Variants in CD226 observed in about 807,000 individuals in gnomAD.
CD226 encodes CD226 molecule.
CD226 carries 24 observed loss-of-function variants against 34.9 expected under a neutral mutation model. The observed-to-expected ratio is 0.69, with a 90% confidence interval of 0.50 to 0.97. The LOEUF (loss-of-function observed/expected upper bound fraction) is 0.97. CD226 is among the 50% of genes least tolerant of loss of function. The probability of loss-of-function intolerance (pLI) is 0.00; values close to 1 mark genes in which losing one functional copy is unlikely to be tolerated. For missense variants in CD226, 397 were observed against 412.7 expected, an observed-to-expected ratio of 0.96 and a Z score of 0.33; for synonymous variants, 148 against 147.4, an observed-to-expected ratio of 1.00 and a Z score of -0.03.
intron 2 of CD226, among the ~76,000 whole-genome samples, chr18:69,907,925 C>T (rs1298075546): frequency 6.6e-6 from 1 of 151,648 alleles, no homozygotes; most frequent in African/African-American, 2.4e-5. Context: ...AATTATTACA[C>T]ATTATATTTA....
chr18:69,898,198 TAAAAG>T (rs1291853031), intron 2 of CD226, among the ~76,000 whole-genome samples: 6 of 151,726 alleles, frequency 4.0e-5, no homozygotes, highest in Non-Finnish European at 8.8e-5. Flanking sequence ...TGAAAGAACA[TAAAAG>T]AAATGAAAAA....
intron 2 of CD226, among the ~76,000 whole-genome samples, chr18:69,931,880 A>G (rs940166416): frequency 4.6e-5 from 7 of 152,198 alleles, no homozygotes; most frequent in African/African-American, 7.2e-5. Flanking sequence ...AAAGTACCAC[A>G]GACTGGATGG....
intron 2 of CD226, among the ~76,000 whole-genome samples, chr18:69,919,570 C>T (rs569648948): frequency 4.1e-4 from 62 of 152,224 alleles, no homozygotes; most frequent in Middle Eastern, 3.4e-3. Context: ...AAGGAGATTA[C>T]CTAAATTTTA....
Position 69,858,575 on chromosome 18 carries a change from G to A in CD226, c.*5739C>T, listed in dbSNP as rs941776767. ...TGCCCTGTGTTCTAGGGAGGGTATC[G>A]AAGCCCAAATTGTTGCTTTCTGCAG... is the stretch of plus-strand genomic sequence containing the variant. On this transcript the variant is annotated 3_prime_UTR_variant, in exon 6 of 6. Transcript: ENST00000582621. 4.4e-4 allele frequency: 67 copies of A among 152,168 alleles called. No homozygotes were observed. Among genetic ancestry groups the A allele is most frequent in the African/African-American group, 1.6e-3 (66 of 41,480 alleles). 9.4% of individuals were successfully genotyped at this position (152,168 alleles called of 1,614,324 possible).
intron 2 of CD226, among the ~76,000 whole-genome samples, chr18:69,901,663 AG>A (rs1174168443): frequency 6.6e-6 from 1 of 152,104 alleles, no homozygotes; most frequent in African/African-American, 2.4e-5. Context: ...GCAGATCACG[AG>A]GTCAGGAGAT....
chr18:69,950,971 T>TTGTG (rs57098005), upstream of CD226, among the ~76,000 whole-genome samples: 2,608 of 132,646 alleles, frequency 0.02, 55 homozygotes, highest in African/African-American at 0.05. Context: ...AACTATGATT[T>TTGTG]TGTGTGTGTG....
intron 2 of CD226, among the ~76,000 whole-genome samples, chr18:69,909,648 G>GA (rs1473698820): frequency 6.6e-6 from 1 of 152,162 alleles, no homozygotes; most frequent in Non-Finnish European, 1.5e-5. Context: ...AAGTAGCCCA[G>GA]AAAAAACTAA....
chr18:69,882,635 T>C (rs1010346262), intron 3 of CD226, among the ~76,000 whole-genome samples: 2 of 152,240 alleles, frequency 1.3e-5, no homozygotes, highest in Non-Finnish European at 2.9e-5. Flanking sequence ...TCAATTTTTA[T>C]GAACATATTA....
chr18:69,943,702 T>C (rs1240966157), intron 2 of CD226, among the ~76,000 whole-genome samples: 3 of 152,198 alleles, frequency 2.0e-5, no homozygotes, highest in African/African-American at 7.2e-5. Context: ...TGCTGGGACA[T>C]ACGTGAAACT....
chr18:69,950,081 C>G (rs1283263942), upstream of CD226, among the ~76,000 whole-genome samples: 1 of 152,168 alleles, frequency 6.6e-6, no homozygotes, highest in Non-Finnish European at 1.5e-5. Flanking sequence ...CACATGCACA[C>G]ACGCATGCAC....
chr18:69,937,186 G>A (rs916993518), intron 2 of CD226, among the ~76,000 whole-genome samples: 4 of 152,148 alleles, frequency 2.6e-5, no homozygotes, highest in Admixed American at 6.5e-5. Context: ...ATTGTAAACC[G>A]GAATAAATTG....
intron 2 of CD226, among the ~76,000 whole-genome samples, chr18:69,921,508 T>C (rs1200634270): frequency 1.3e-5 from 2 of 152,194 alleles, no homozygotes; most frequent in African/African-American, 4.8e-5. Flanking sequence ...TTCTTAGTCA[T>C]ATAAGAGGGC....
intron 2 of CD226, among the ~76,000 whole-genome samples, chr18:69,936,370 C>T (rs1421244923): frequency 3.3e-5 from 5 of 152,210 alleles, no homozygotes; most frequent in Admixed American, 1.3e-4. Flanking sequence ...GGCACACGTT[C>T]TGGTAACCAT....
upstream of CD226, among the ~76,000 whole-genome samples, chr18:69,950,248 TCACA>T (rs1045458291): frequency 6.6e-6 from 1 of 151,986 alleles, no homozygotes; most frequent in African/African-American, 2.4e-5. Flanking sequence ...GCACACACTC[TCACA>T]CACTCTGTCT....
intron 3 of CD226, among the ~76,000 whole-genome samples, chr18:69,895,478 G>A (rs1165857825): frequency 4.6e-5 from 7 of 152,060 alleles, no homozygotes; most frequent in African/African-American, 1.4e-4. Context: ...TGGCAGATAA[G>A]AAAATTGGAA....
chr18:69,912,231 T>C (rs538820051), intron 2 of CD226, among the ~76,000 whole-genome samples: 39 of 152,342 alleles, frequency 2.6e-4, no homozygotes, highest in Admixed American at 1.4e-3. Context: ...ATTCAGGACA[T>C]AGGCATGGGC....
At chr18:69,867,542 A>G in intron 4 of CD226, 131 bp from the exon 5 acceptor site, 1 of 595,834 alleles carries the variant, frequency 1.7e-6, no homozygotes, top group South Asian at 2.7e-5. Context: ...CTTTATGCAC[A>G]TTTATCCAAA....
chr18:69,949,819 C>G (rs1043623150), upstream of CD226, among the ~76,000 whole-genome samples: 1 of 152,090 alleles, frequency 6.6e-6, no homozygotes, highest in Non-Finnish European at 1.5e-5. Context: ...TGCACACATA[C>G]TCTCACATCC....
At chr18:69,949,777 C>A (rs1226200808), upstream of CD226, among the ~76,000 whole-genome samples, 1 of 152,022 alleles carries the variant, frequency 6.6e-6, no homozygotes, top group African/African-American at 2.4e-5. Context: ...CACACACATG[C>A]TCACAGTCTC....
Sources: allele counts gnomAD v4.1 joint callset (sites outside exome capture counted in the v4.1 genomes callset), GRCh38; gene constraint gnomAD v4.1.1; transcripts MANE v1.5; gene names NCBI Gene and HGNC (gene_info 2026-07-23, HGNC 2026-07-21).